IKZF2: variants seen among roughly 807,000 people sequenced by gnomAD.
IKZF2 encodes zinc finger protein Helios.
A neutral mutation model predicts 49.2 loss-of-function variants in IKZF2; 15 were observed. That is an observed-to-expected ratio of 0.30 (90% CI 0.20 to 0.47). IKZF2 has a LOEUF of 0.47. Ranked by LOEUF, IKZF2 falls within the 20% of genes least tolerant of loss-of-function variation. The pLI is 1.00. For missense variants in IKZF2, 567 were observed against 664.6 expected (o/e 0.85, Z 1.61); for synonymous variants, 227 against 221.4 (o/e 1.03, Z -0.23).
At chr2:213,056,273 A>G (rs987691767) in intron 5 of IKZF2, among the ~76,000 whole-genome samples, 1 of 152,160 alleles carries the variant, frequency 6.6e-6, no homozygotes, top group African/African-American at 2.4e-5. Context: ...TCAATCCTAC[A>G]TATATCCTTG....
At position 213,006,138 on chromosome 2, in the gene IKZF2, A is replaced by T. The variant is rs561755138; in HGVS notation, c.*1222T>A. On this transcript the variant is annotated 3_prime_UTR_variant, in exon 9 of 9. Coordinates refer to ENST00000434687, the MANE Select transcript of IKZF2 (RefSeq NM_001387220.1). ...CTAAAATAAATAGCCCTAGTTCTGT[A>T]ACCTTACAGGGTTCAAGTTACCAGA... The T allele has an allele frequency of 6.6e-6, 1 of 152,200 alleles. No individual in the cohort carries two copies. Among genetic ancestry groups the T allele is most frequent in the Non-Finnish European group, 1.5e-5 (1 of 67,962 alleles). The allele number at this position is 152,200 out of a possible 1,614,324, so 9.4% of individuals were successfully genotyped here.
chr2:213,058,872 C>T (rs1341308078), intron 4 of IKZF2, among the ~76,000 whole-genome samples: 1 of 151,808 alleles, frequency 6.6e-6, no homozygotes, highest in Non-Finnish European at 1.5e-5. Context: ...TCTTTTGTAA[C>T]CAAGCTCACT....
chr2:213,050,064 C>T (rs1340502154), intron 5 of IKZF2, among the ~76,000 whole-genome samples, 184 bp from the exon 6 acceptor site: 3 of 152,124 alleles, frequency 2.0e-5, no homozygotes, highest in Non-Finnish European at 4.4e-5. Flanking sequence ...TTAAGTTTTA[C>T]ATCAAATGAT....
At chr2:213,039,145 T>C (rs568823736) in intron 6 of IKZF2, among the ~76,000 whole-genome samples, 10 of 152,150 alleles carry the variant, frequency 6.6e-5, no homozygotes, top group Admixed American at 2.0e-4. Context: ...GGAAATATAT[T>C]TAAACATAGG....
intron 4 of IKZF2, among the ~76,000 whole-genome samples, chr2:213,091,351 T>C (rs1357098382): frequency 1.3e-5 from 2 of 152,096 alleles, no homozygotes; most frequent in East Asian, 3.9e-4. Context: ...GTTCTTGAGG[T>C]CGAAATGGAG....
Position 213,100,790 on chromosome 2 carries a change from C to T in IKZF2, c.140-43691G>A, listed in dbSNP as rs937339092. Reference sequence around the variant, plus strand: ...TCTAGGTAGTATTTCTTTTTAAAGGCCAGGTACTTGTATAAAGAGAAGTCC... The same window carrying T: ...TCTAGGTAGTATTTCTTTTTAAAGGTCAGGTACTTGTATAAAGAGAAGTCC... On this transcript the variant is annotated intron_variant, in intron 4 of 8. Transcript: ENST00000434687. Among the ~76,000 whole-genome samples the T allele has an allele frequency of 2.6e-5, 4 of 152,016 alleles. No homozygotes were observed. The East Asian group carries it at 7.7e-4, about 29-fold the overall frequency.
At chr2:213,147,636 G>T in intron 4 of IKZF2, 72 bp downstream of exon 4, 1 of 1,107,730 alleles carries the variant, frequency 9.0e-7, no homozygotes, top group Non-Finnish European at 1.4e-6. Context: ...GGACCCCACA[G>T]ACCTAACAAA....
At chr2:213,147,838 G>C (rs755446773) in intron 3 of IKZF2, 26 bp from the exon 4 acceptor site, 1 of 1,549,018 alleles carries the variant, frequency 6.5e-7, no homozygotes, top group East Asian at 2.2e-5. Context: ...ATAATCTTTT[G>C]GTTTCTATTC....
intron 5 of IKZF2, among the ~76,000 whole-genome samples, chr2:213,053,658 A>G (rs1700880860): frequency 1.3e-5 from 2 of 152,198 alleles, no homozygotes; most frequent in Non-Finnish European, 2.9e-5. Context: ...AGGCAAAATT[A>G]GGGAATTCTA....
chr2:213,093,691 G>T (rs1322191083), intron 4 of IKZF2, among the ~76,000 whole-genome samples: 1 of 152,082 alleles, frequency 6.6e-6, no homozygotes, highest in Non-Finnish European at 1.5e-5. Flanking sequence ...CTGACCCAAA[G>T]TAAGCCTCAA....
At chr2:213,129,300 T>C (rs1252119629) in intron 4 of IKZF2, among the ~76,000 whole-genome samples, 1 of 148,042 alleles carries the variant, frequency 6.8e-6, no homozygotes, top group Non-Finnish European at 1.5e-5. Flanking sequence ...TGTCATAGAA[T>C]GCCTGGAGAG....
chr2:213,010,446 G>A (rs1695823608), intron 8 of IKZF2, among the ~76,000 whole-genome samples: 1 of 152,050 alleles, frequency 6.6e-6, no homozygotes, highest in Non-Finnish European at 1.5e-5. Context: ...GGAGCTTCTA[G>A]GGCCAAGGGA....
Position 213,010,354 on chromosome 2 carries a change from G to A in IKZF2, c.857-2270C>T, listed in dbSNP as rs552770884. Among the ~76,000 whole-genome samples, 85 of 152,180 alleles carry A rather than the reference G, an allele frequency of 5.6e-4. 1 individual carries two copies. The highest frequency in any genetic ancestry group is 2.0e-3 in the African/African-American group (81 of 41,538). ...CCTGGAATAACACTAAGATTTGTCT[G>A]CCTACTCATAGATCAGGGAAAGTGG... is the stretch of plus-strand genomic sequence containing the variant. On this transcript the variant is annotated intron_variant, in intron 8 of 8. Coordinates refer to ENST00000434687, the MANE Select transcript of IKZF2 (RefSeq NM_001387220.1).
intron 1 of IKZF2, chr2:213,150,457 CTCCTCCTCCTCCTCCTCCTCG>C (rs1364376082): frequency 4.7e-5 from 10 of 214,664 alleles, no homozygotes; most frequent in South Asian, 2.7e-4. Flanking sequence ...GAACACCCCC[CTCCTCCTCCTCCTCCTCCTCG>C]TCCTCCTCCT....
intron 5 of IKZF2, among the ~76,000 whole-genome samples, chr2:213,056,396 T>C (rs1701153528): frequency 6.6e-6 from 1 of 152,180 alleles, no homozygotes; most frequent in Admixed American, 6.6e-5. Flanking sequence ...AGAAATTGTA[T>C]TTCAAGGAGT....
intron 6 of IKZF2, among the ~76,000 whole-genome samples, chr2:213,045,389 T>A (rs1219470463): frequency 6.6e-6 from 1 of 152,216 alleles, no homozygotes; most frequent in African/African-American, 2.4e-5. Flanking sequence ...AGGTAATTTG[T>A]ATAACAAAGA....
rs1447728546 is a variant in IKZF2, at chr2:213,000,904, G to A, written c.*6456C>T. ...AAGCAAAAGATTACTAATTTCCATG[G>A]AAATTTAGCTTAAATAAAGATACCA... On this transcript the variant is annotated 3_prime_UTR_variant, in exon 9 of 9. Transcript: ENST00000434687. 2 of 151,466 alleles carry A rather than the reference G, an allele frequency of 1.3e-5. No individual in the cohort carries two copies. The highest frequency in any genetic ancestry group is 3.0e-5 in the Non-Finnish European group (2 of 67,572). 9.4% of individuals were successfully genotyped at this position (151,466 alleles called of 1,614,324 possible). A position where few individuals can be genotyped will look rare whatever the true frequency, so the allele number is the denominator to read the frequency against.
At position 213,151,490 on chromosome 2, in the gene IKZF2, T is replaced by C. The variant is rs1337734670; in HGVS notation, c.-197A>G. 6.6e-6 allele frequency: 1 copy of C among 152,642 alleles called. No homozygotes were observed. Among genetic ancestry groups the C allele is most frequent in the East Asian group, 1.9e-4 (1 of 5,202 alleles). The allele number at this position is 152,642 out of a possible 1,614,324, so 9.5% of individuals were successfully genotyped here. ...TGTTAATGTGTCCTCTGTCTTTCTT[T>C]CTTTCCTGTGCCTAACGTGTGTTTG... On this transcript the variant is annotated 5_prime_UTR_variant, in exon 1 of 9. Coordinates refer to ENST00000434687, the MANE Select transcript of IKZF2 (RefSeq NM_001387220.1).
At chr2:213,075,839 T>A (rs933566476) in intron 4 of IKZF2, among the ~76,000 whole-genome samples, 1 of 152,080 alleles carries the variant, frequency 6.6e-6, no homozygotes, top group African/African-American at 2.4e-5. Context: ...AACTAAAGAA[T>A]ATGGAAAGAA....
Sources: allele counts gnomAD v4.1 joint callset (sites outside exome capture counted in the v4.1 genomes callset), GRCh38; gene constraint gnomAD v4.1.1; transcripts MANE v1.5; gene names NCBI Gene and HGNC (gene_info 2026-07-23, HGNC 2026-07-21).